The following EXOC4 variants were observed in gnomAD, a reference collection of about 807,000 sequenced individuals.
EXOC4 encodes SEC8-like 1.
Under a neutral mutation model 107.2 loss-of-function variants are expected in EXOC4, and 71 were observed. The observed-to-expected ratio is 0.66, with a 90% CI of 0.55 to 0.81. The LOEUF (loss-of-function observed/expected upper bound fraction) is 0.81. EXOC4 is among the 30% of genes least tolerant of loss of function. EXOC4 has a pLI of 0.00. For missense variants in EXOC4, 1,108 were observed against 1,189.6 expected (o/e 0.93, Z 1.01); for synonymous variants, 456 against 441.2 (o/e 1.03, Z -0.42).
chr7:134,063,205 A>C (rs1415610140), intron 17 of EXOC4, among the ~76,000 whole-genome samples: 2 of 152,076 alleles, frequency 1.3e-5, no homozygotes, highest in Non-Finnish European at 2.9e-5. Flanking sequence ...TTATTCTTCC[A>C]TGCCTTTGCT....
chr7:133,281,771 G>A (rs1029867450), intron 2 of EXOC4, among the ~76,000 whole-genome samples: 2 of 148,520 alleles, frequency 1.3e-5, no homozygotes, highest in Admixed American at 1.4e-4. Flanking sequence ...ATATGATCTC[G>A]GCTTACTGCA....
At chr7:134,043,500 T>G (rs1175992847) in intron 17 of EXOC4, among the ~76,000 whole-genome samples, 2 of 152,222 alleles carry the variant, frequency 1.3e-5, no homozygotes, top group African/African-American at 4.8e-5. Flanking sequence ...TATTTCTCTT[T>G]GAAAACATTA....
intron 1 of EXOC4, among the ~76,000 whole-genome samples, chr7:133,256,418 G>C (rs758788674): frequency 5.9e-5 from 9 of 152,194 alleles, no homozygotes; most frequent in Non-Finnish European, 4.4e-5. Context: ...GAAAACCCAT[G>C]TTAGGCTCGT....
chr7:133,831,926 C>T (rs1388793146), intron 11 of EXOC4, among the ~76,000 whole-genome samples: 1 of 152,180 alleles, frequency 6.6e-6, no homozygotes, highest in Non-Finnish European at 1.5e-5. Flanking sequence ...AGCATTCTAG[C>T]CTCCTCTCGG....
chr7:133,296,237 C>T (rs1794516893), intron 3 of EXOC4, among the ~76,000 whole-genome samples: 1 of 151,998 alleles, frequency 6.6e-6, no homozygotes, highest in East Asian at 1.9e-4. Context: ...GTGGCCTTAA[C>T]CTTGGAGGAT....
chr7:133,479,862 G>A (rs1175725351), intron 8 of EXOC4, among the ~76,000 whole-genome samples, 188 bp from the exon 9 acceptor site: 3 of 152,350 alleles, frequency 2.0e-5, no homozygotes, highest in East Asian at 3.9e-4. Context: ...CCTTAGCCAG[G>A]AATATCGCTC....
At chr7:134,001,606 C>A (rs1254856411) in intron 15 of EXOC4, among the ~76,000 whole-genome samples, 2 of 152,184 alleles carry the variant, frequency 1.3e-5, no homozygotes, top group Non-Finnish European at 2.9e-5. Context: ...TAACTAGTCA[C>A]TCTACTTCCA....
rs1796887571 is a variant in EXOC4, at chr7:133,799,473, T to C, written c.1515-17852T>C. Among the ~76,000 whole-genome samples the C allele has an allele frequency of 2.6e-5, 4 of 152,330 alleles. No individual in the cohort carries two copies. In the South Asian group the frequency reaches 8.3e-4, roughly 32 times the overall value. ...CTCAGCCCATACACCGCTGATTTCA[T>C]GTATATTAAATATGGGTATTCTAAA... On this transcript the variant is annotated intron_variant, in intron 10 of 17. Transcript: ENST00000253861.
chr7:133,990,737 A>T lies in EXOC4; in HGVS notation c.2207-6755A>T, dbSNP rs774336569. ...CTGAAGCGCTGGGATTACAGGCATG[A>T]GCCACTGTGCCCCACCAGGATTTTA... is the stretch of plus-strand genomic sequence containing the variant. On this transcript the variant is annotated intron_variant, in intron 14 of 17. Coordinates refer to ENST00000253861, the MANE Select transcript of EXOC4 (RefSeq NM_021807.4). Among the ~76,000 whole-genome samples the T allele has an allele frequency of 2.6e-5, 4 of 152,192 alleles. No homozygotes were observed. In the South Asian group the frequency reaches 8.3e-4, roughly 32 times the overall value.
At chr7:133,976,448 T>C (rs1793834340) in intron 14 of EXOC4, among the ~76,000 whole-genome samples, 1 of 152,146 alleles carries the variant, frequency 6.6e-6, no homozygotes, top group Admixed American at 6.5e-5. Flanking sequence ...TTGTGGAGCA[T>C]GTAAAAGGTG....
intron 7 of EXOC4, among the ~76,000 whole-genome samples, chr7:133,404,071 C>T (rs1797154182): frequency 6.6e-6 from 1 of 152,076 alleles, no homozygotes; most frequent in Non-Finnish European, 1.5e-5. Context: ...CTGGGATCAG[C>T]TTTCTAAATG....
intron 7 of EXOC4, among the ~76,000 whole-genome samples, chr7:133,403,147 T>G (rs968014708): frequency 6.6e-6 from 1 of 152,222 alleles, no homozygotes; most frequent in South Asian, 2.1e-4. Context: ...CCTCCCAAAG[T>G]GCTGGGATTG....
intron 3 of EXOC4, among the ~76,000 whole-genome samples, chr7:133,298,694 C>T (rs1794576198): frequency 6.6e-6 from 1 of 152,146 alleles, no homozygotes; most frequent in South Asian, 2.1e-4. Flanking sequence ...AGATCTGTTA[C>T]AAGGCCTTTT....
At chr7:133,444,291 C>T (rs1281589915) in intron 7 of EXOC4, among the ~76,000 whole-genome samples, 3 of 152,156 alleles carry the variant, frequency 2.0e-5, no homozygotes, top group African/African-American at 4.8e-5. Context: ...TGGGGCTTGG[C>T]GTTTTCTCCA....
At chr7:133,847,215 A>G (rs1798144364) in intron 11 of EXOC4, among the ~76,000 whole-genome samples, 1 of 152,066 alleles carries the variant, frequency 6.6e-6, no homozygotes, top group African/African-American at 2.4e-5. Flanking sequence ...AACCATAGTC[A>G]CCCTACTGTG....
chr7:133,830,753 A>G (rs1417169799), intron 11 of EXOC4, among the ~76,000 whole-genome samples: 1 of 152,182 alleles, frequency 6.6e-6, no homozygotes, highest in Admixed American at 6.5e-5. Context: ...GTTACAATTA[A>G]TGAGCCAATA....
chr7:134,050,155 T>TA (rs1795750765), intron 17 of EXOC4, among the ~76,000 whole-genome samples: 1 of 152,210 alleles, frequency 6.6e-6, no homozygotes, highest in African/African-American at 2.4e-5. Context: ...AAAATATATT[T>TA]GGAAGGATAC....
intron 10 of EXOC4, among the ~76,000 whole-genome samples, chr7:133,740,616 A>C (rs550920054): frequency 1.3e-5 from 2 of 152,188 alleles, no homozygotes; most frequent in Non-Finnish European, 2.9e-5. Flanking sequence ...TCAGAAACAC[A>C]CATCTCAGCA....
chr7:133,615,694 A>G (rs1442333746), intron 9 of EXOC4, among the ~76,000 whole-genome samples: 1 of 152,166 alleles, frequency 6.6e-6, no homozygotes, highest in Non-Finnish European at 1.5e-5. Flanking sequence ...TCCATGGACC[A>G]TTAGTTTTTA....
Sources: allele counts gnomAD v4.1 joint callset (sites outside exome capture counted in the v4.1 genomes callset), GRCh38; gene constraint gnomAD v4.1.1; transcripts MANE v1.5; gene names NCBI Gene and HGNC (gene_info 2026-07-23, HGNC 2026-07-21).